REEP3: variants seen among roughly 807,000 people sequenced by gnomAD.
The protein encoded by REEP3 is receptor accessory protein 3, also known as receptor expression-enhancing protein 3.
In REEP3, 20 loss-of-function variants were observed where a neutral mutation model predicts 41.3. The observed-to-expected ratio is 0.48, with a 90% CI of 0.34 to 0.70. The LOEUF (loss-of-function observed/expected upper bound fraction) is 0.70. Ranked by LOEUF, REEP3 falls within the 30% of genes least tolerant of loss-of-function variation. The probability of loss-of-function intolerance (pLI) is 0.01; values close to 1 mark genes in which losing one functional copy is unlikely to be tolerated. For missense variants in REEP3, 271 were observed against 308.8 expected, an observed-to-expected ratio of 0.88 and a Z score of 0.92; for synonymous variants, 104 against 101.8, an observed-to-expected ratio of 1.02 and a Z score of -0.13.
At chr10:63,562,558 T>A (rs1240916910) in intron 1 of REEP3, 10 of 456,250 alleles carry the variant, frequency 2.2e-5, no homozygotes, top group Non-Finnish European at 4.4e-5. Context: ...CTCCTAGCCT[T>A]AAGGCAGAGA....
rs1956121096 is a variant in REEP3, at chr10:63,596,969, G to A, written c.183-1055G>A. On this transcript the variant is annotated intron_variant, in intron 3 of 7. Coordinates refer to ENST00000373758, the MANE Select transcript of REEP3 (RefSeq NM_001001330.3). Reference sequence around the variant, plus strand: ...TTAAACCAAGGCTGAAGAAGCAGCTGTTCTCATGCCAGAAGGCAAAAGCTT... The same window carrying A: ...TTAAACCAAGGCTGAAGAAGCAGCTATTCTCATGCCAGAAGGCAAAAGCTT... 2.6e-5 allele frequency among the ~76,000 whole-genome samples: 4 copies of A among 152,188 alleles called. No individual in the cohort carries two copies. The South Asian group carries it at 8.3e-4, about 31-fold the overall frequency.
At chr10:63,601,487 C>T (rs1956171398) in intron 5 of REEP3, among the ~76,000 whole-genome samples, 1 of 152,100 alleles carries the variant, frequency 6.6e-6, no homozygotes, top group Non-Finnish European at 1.5e-5. Flanking sequence ...ACAAAAATTC[C>T]CAAAGAGAAC....
At chr10:63,533,708 A>ATTTTTTTTTTTTTTTTTTTTTTTT (rs1464023228) in intron 1 of REEP3, among the ~76,000 whole-genome samples, 1 of 93,916 alleles carries the variant, frequency 1.1e-5, no homozygotes. Context: ...AAGTATGTAA[A>ATTTTTTTTTTTTTTTTTTTTTTTT]TCTTTTTTTT....
intron 2 of REEP3, among the ~76,000 whole-genome samples, chr10:63,592,466 T>C (rs1420304935): frequency 6.6e-6 from 1 of 152,220 alleles, no homozygotes; most frequent in Non-Finnish European, 1.5e-5. Flanking sequence ...AAGGGTTGTT[T>C]AGTTTAAAAA....
intron 1 of REEP3, among the ~76,000 whole-genome samples, chr10:63,549,612 G>C (rs1955609403): frequency 6.6e-6 from 1 of 152,224 alleles, no homozygotes; most frequent in African/African-American, 2.4e-5. Context: ...ATTGGAATCA[G>C]TAAGACTGAA....
intron 1 of REEP3, among the ~76,000 whole-genome samples, chr10:63,528,612 A>C (rs1955388796): frequency 6.6e-6 from 1 of 152,124 alleles, no homozygotes; most frequent in Admixed American, 6.5e-5. Context: ...TTCCTGCCTC[A>C]CTCAGGAAAG....
At chr10:63,609,324 C>T (rs576623810) in intron 5 of REEP3, among the ~76,000 whole-genome samples, 2 of 151,900 alleles carry the variant, frequency 1.3e-5, no homozygotes, top group South Asian at 2.1e-4. Flanking sequence ...TGGTGGTGGG[C>T]GCCTGTAGTC....
At chr10:63,547,270 A>G (rs1018326369) in intron 1 of REEP3, among the ~76,000 whole-genome samples, 2 of 152,224 alleles carry the variant, frequency 1.3e-5, no homozygotes, top group Non-Finnish European at 2.9e-5. Context: ...CATGATACAG[A>G]AAAGCATTAA....
In REEP3 at chr10:63,574,861, T is replaced by C. The variant is rs974169656; in HGVS notation, c.105+8451T>C. Among the ~76,000 whole-genome samples the C allele has an allele frequency of 6.3e-5, 7 of 111,944 alleles. 1 individual carries two copies. Among genetic ancestry groups the C allele is most frequent in the African/African-American group, 2.0e-4 (7 of 34,584 alleles). The allele number at this position is 111,944 out of a possible 152,430, so 73.4% of individuals were successfully genotyped here. ...GAGGTCAATTTCTTTTTTTTTTTTT[T>C]TTTTTTTTTTTTTTGAGACAGAGTC... On this transcript the variant is annotated intron_variant, in intron 2 of 7. Coordinates refer to ENST00000373758, the MANE Select transcript of REEP3 (RefSeq NM_001001330.3).
chr10:63,560,886 A>C, intron 1 of REEP3, among the ~76,000 whole-genome samples: 1 of 152,266 alleles, frequency 6.6e-6, no homozygotes, highest in East Asian at 1.9e-4. Flanking sequence ...GCCCCTCAAA[A>C]CCCTAGAAAA....
intron 1 of REEP3, among the ~76,000 whole-genome samples, chr10:63,527,834 C>T (rs778354171): frequency 3.9e-5 from 6 of 152,146 alleles, no homozygotes; most frequent in Non-Finnish European, 5.9e-5. Flanking sequence ...CAATAGTGAC[C>T]GCCACTTGGC....
intron 2 of REEP3, among the ~76,000 whole-genome samples, chr10:63,585,958 G>A (rs1043410505): frequency 1.3e-5 from 2 of 151,968 alleles, no homozygotes; most frequent in African/African-American, 4.8e-5. Context: ...TGTTTATCCT[G>A]GGATCTAAAT....
intron 1 of REEP3, among the ~76,000 whole-genome samples, chr10:63,543,131 C>T (rs558017812): frequency 1.3e-5 from 2 of 152,282 alleles, no homozygotes; most frequent in East Asian, 3.9e-4. Context: ...TTGCTGCTTT[C>T]AGTTATCTAA....
chr10:63,544,682 A>G (rs895826615), intron 1 of REEP3, among the ~76,000 whole-genome samples: 1 of 152,198 alleles, frequency 6.6e-6, no homozygotes, highest in African/African-American at 2.4e-5. Context: ...TGTTAGGGCA[A>G]TGCTTTCATT....
chr10:63,586,912 A>G (rs1433245816), intron 2 of REEP3, among the ~76,000 whole-genome samples: 1 of 152,148 alleles, frequency 6.6e-6, no homozygotes, highest in Non-Finnish European at 1.5e-5. Flanking sequence ...CTCTTGGCAA[A>G]GAAAACAAAG....
At chr10:63,533,010 G>A (rs551888086) in intron 1 of REEP3, among the ~76,000 whole-genome samples, 2 of 152,356 alleles carry the variant, frequency 1.3e-5, no homozygotes, top group African/African-American at 4.8e-5. Flanking sequence ...AAGGTTAAAG[G>A]TAGGTCTTAT....
Position 63,566,412 on chromosome 10 carries a change from TA to T in REEP3, c.105+4del. Reference sequence around the variant, plus strand: ...AAAACAAAAAACGTGAAGGAATATGTAAGTATAGTTTTATGAGTGATTAATC... The same window carrying T: ...AAAACAAAAAACGTGAAGGAATATGTAGTATAGTTTTATGAGTGATTAATC... On this transcript the variant is annotated splice_donor_region_variant and intron_variant, in intron 2 of 7. Coordinates refer to ENST00000373758, the MANE Select transcript of REEP3 (RefSeq NM_001001330.3). 6.8e-7 allele frequency: 1 copy of T among 1,461,008 alleles called. No individual in the cohort carries two copies. Among genetic ancestry groups the T allele is most frequent in the Non-Finnish European group, 9.4e-7 (1 of 1,064,620 alleles). The allele number at this position is 1,461,008 out of a possible 1,614,324, so 90.5% of individuals were successfully genotyped here. A position where few individuals can be genotyped will look rare whatever the true frequency, so the allele number is the denominator to read the frequency against.
chr10:63,599,122 T>C lies in REEP3; in HGVS notation c.304-48T>C, dbSNP rs184333882. 55 of 910,078 alleles carry C rather than the reference T, an allele frequency of 6.0e-5. No individual in the cohort carries two copies. The African/African-American group carries it at 7.5e-4, about 12-fold the overall frequency. The allele number at this position is 910,078 out of a possible 1,614,324, so 56.4% of individuals were successfully genotyped here. A position where few individuals can be genotyped will look rare whatever the true frequency, so the allele number is the denominator to read the frequency against. ...GGAGAATGTTCTAGTTTGGGGCTTATTAACACTATTTTTAAGTAAAACTAA... is the reference window on the plus strand; with the variant it reads ...GGAGAATGTTCTAGTTTGGGGCTTACTAACACTATTTTTAAGTAAAACTAA... On this transcript the variant is annotated intron_variant, in intron 4 of 7. Coordinates refer to ENST00000373758, the MANE Select transcript of REEP3 (RefSeq NM_001001330.3).
At chr10:63,540,164 A>G (rs1955516033) in intron 1 of REEP3, among the ~76,000 whole-genome samples, 1 of 152,224 alleles carries the variant, frequency 6.6e-6, no homozygotes, top group Non-Finnish European at 1.5e-5. Flanking sequence ...ATTGAATTAC[A>G]GAAGTATTAG....
Sources: allele counts gnomAD v4.1 joint callset (sites outside exome capture counted in the v4.1 genomes callset), GRCh38; gene constraint gnomAD v4.1.1; transcripts MANE v1.5; gene names NCBI Gene and HGNC (gene_info 2026-07-23, HGNC 2026-07-21).